CYS1: variants seen among roughly 807,000 people sequenced by gnomAD.
CYS1 encodes cystin-1.
CYS1 carries 5 observed loss-of-function variants against 9.6 expected under a neutral mutation model. That is an observed-to-expected ratio of 0.52 (90% CI 0.27 to 1.10). The LOEUF is 1.10. Among genes scored for constraint, CYS1 ranks in the 50% least tolerant of loss-of-function variants. The probability of loss-of-function intolerance (pLI) is 0.11; values close to 1 mark genes in which losing one functional copy is unlikely to be tolerated. For missense variants in CYS1, 221 were observed against 207.9 expected (o/e 1.06, Z -0.39); for synonymous variants, 88 against 95.7 (o/e 0.92, Z 0.47).
intron 1 of CYS1, among the ~76,000 whole-genome samples, chr2:10,077,188 A>T (rs1252877404): frequency 7.9e-5 from 12 of 151,906 alleles, no homozygotes; most frequent in African/African-American, 2.9e-4. Flanking sequence ...ATGACCCCAC[A>T]TCTCACTTGG....
chr2:10,075,619 A>C (rs1272658583), intron 1 of CYS1, among the ~76,000 whole-genome samples: 1 of 152,172 alleles, frequency 6.6e-6, no homozygotes, highest in African/African-American at 2.4e-5. Context: ...TTACACCGTG[A>C]GTTCCATAGC....
chr2:10,077,024 CTG>C (rs1435488389), intron 1 of CYS1, among the ~76,000 whole-genome samples: 1 of 152,184 alleles, frequency 6.6e-6, no homozygotes, highest in East Asian at 1.9e-4. Flanking sequence ...TCCACATTTT[CTG>C]TGTCTGTTCA....
intron 1 of CYS1, 131 bp from the exon 2 acceptor site, chr2:10,066,087 G>A: frequency 1.0e-6 from 1 of 994,678 alleles, no homozygotes; most frequent in East Asian, 2.6e-5. Context: ...GAGCGGAAAG[G>A]CTCTCGAGCT....
At position 10,058,200 on chromosome 2, in the gene CYS1, C is replaced by T. The variant is rs1263141849; in HGVS notation, c.*653G>A. The T allele has an allele frequency of 6.6e-6, 1 of 152,314 alleles. No individual in the cohort carries two copies. Among genetic ancestry groups the T allele is most frequent in the Non-Finnish European group, 1.5e-5 (1 of 68,120 alleles). 9.4% of individuals were successfully genotyped at this position (152,314 alleles called of 1,614,324 possible). On this transcript the variant is annotated 3_prime_UTR_variant, in exon 3 of 3. Coordinates refer to ENST00000381813, the MANE Select transcript of CYS1 (RefSeq NM_001037160.3). ...AAACTGAGGCCCAGAGAGGCAGTGA[C>T]GAGCTCTACCTCCCACTGCAAGGCA...
intron 1 of CYS1, among the ~76,000 whole-genome samples, chr2:10,067,018 T>C (rs568381361): frequency 1.3e-5 from 2 of 152,324 alleles, no homozygotes; most frequent in South Asian, 2.1e-4. Flanking sequence ...CTTTTTATTT[T>C]ATTTATTTAT....
chr2:10,067,528 C>T (rs1215167806), intron 1 of CYS1, among the ~76,000 whole-genome samples: 1 of 151,488 alleles, frequency 6.6e-6, no homozygotes, highest in African/African-American at 2.4e-5. Context: ...CCATGTCAGC[C>T]TCTCGTGTAG....
chr2:10,073,237 G>A (rs1661799170), intron 1 of CYS1, among the ~76,000 whole-genome samples: 1 of 147,034 alleles, frequency 6.8e-6, no homozygotes. Context: ...GCTGTGGGCT[G>A]CCAGTCCAGG....
Position 10,080,202 on chromosome 2 carries a change from T to C in CYS1, c.22A>G (p.Ser8Gly). Residue 8 changes from serine to glycine, a missense_variant, in exon 1 of 3, where the codon AGC becomes GGC. Coordinates refer to ENST00000381813, the MANE Select transcript of CYS1 (RefSeq NM_001037160.3). The surrounding 1 kb of genome is among the most constrained non-coding windows in gnomAD (Gnocchi z 6.4). MGSGSSR[S>G]SRTLRRRRSP... The stretch of plus-strand genomic sequence containing the variant: ...CGCCGCCGCCTCAGAGTCCGGCTGC[T>C]CCGGCTGCTGCCGCTGCCCATGGCG... 9.4e-7 allele frequency: 1 copy of C among 1,062,758 alleles called. No homozygotes were observed. The highest frequency in any genetic ancestry group is 1.1e-6 in the Non-Finnish European group (1 of 883,754). The allele number at this position is 1,062,758 out of a possible 1,614,324, so 65.8% of individuals were successfully genotyped here.
rs750516467 is a variant in CYS1 at position 10,063,121 on chromosome 2, C to G, written c.371+2783G>C. Among the ~76,000 whole-genome samples the G allele has an allele frequency of 6.6e-6, 1 of 152,242 alleles. No individual in the cohort carries two copies. Among genetic ancestry groups the G allele is most frequent in the Non-Finnish European group, 1.5e-5 (1 of 68,046 alleles). ...GTCAGGACTGGGGTCAAGGCCCACA[C>G]GCCCCAGGCTGACATTAAACAATCC... is the stretch of plus-strand genomic sequence containing the variant. On this transcript the variant is annotated intron_variant, in intron 2 of 2. Coordinates refer to ENST00000381813, the MANE Select transcript of CYS1 (RefSeq NM_001037160.3). This position sits in a 1 kb window ranked among gnomAD's most constrained non-coding sequence, Gnocchi z 4.2.
intron 1 of CYS1, among the ~76,000 whole-genome samples, chr2:10,078,351 A>C (rs1327878758): frequency 6.6e-6 from 1 of 152,142 alleles, no homozygotes; most frequent in Non-Finnish European, 1.5e-5. Context: ...TGTCGGTGTG[A>C]CGTTCCTAAA....
intron 1 of CYS1, among the ~76,000 whole-genome samples, chr2:10,078,467 ACTCTCCTAAGAC>A (rs983610113): frequency 5.3e-5 from 8 of 152,020 alleles, no homozygotes; most frequent in Non-Finnish European, 1.2e-4. Flanking sequence ...AGCCTGGCAT[ACTCTCCTAAGAC>A]CTCTCTGACC....
At chr2:10,059,335 C>T (rs987729948) in intron 2 of CYS1, among the ~76,000 whole-genome samples, 5 of 152,222 alleles carry the variant, frequency 3.3e-5, no homozygotes, top group African/African-American at 4.8e-5. Flanking sequence ...ATTCATGAGT[C>T]GTTCTGAAGC....
intron 2 of CYS1, among the ~76,000 whole-genome samples, chr2:10,062,515 C>T (rs1351160761): frequency 6.6e-6 from 1 of 152,114 alleles, no homozygotes; most frequent in African/African-American, 2.4e-5. Flanking sequence ...ATTCTCCTGT[C>T]TCAGCCTCCC....
chr2:10,067,895 C>T (rs1046804087), intron 1 of CYS1, among the ~76,000 whole-genome samples: 1 of 152,162 alleles, frequency 6.6e-6, no homozygotes, highest in African/African-American at 2.4e-5. Flanking sequence ...CTGGGACCTC[C>T]AGTAGTACAG....
rs1054508398 is a variant in CYS1 at position 10,058,096 on chromosome 2, C to T, written c.*757G>A. 6.6e-6 allele frequency: 1 copy of T among 152,236 alleles called. No homozygotes were observed. The highest frequency in any genetic ancestry group is 1.5e-5 in the Non-Finnish European group (1 of 68,086). The allele number at this position is 152,236 out of a possible 1,614,324, so 9.4% of individuals were successfully genotyped here. On this transcript the variant is annotated 3_prime_UTR_variant, in exon 3 of 3. Coordinates refer to ENST00000381813, the MANE Select transcript of CYS1 (RefSeq NM_001037160.3). ...GCACTGCTGTGCCTGGGGCAGGGGA[C>T]CAGCAGTGGCAGCAGTTCCAGATTG...
Position 10,063,753 on chromosome 2 carries a change from G to A in CYS1, c.371+2151C>T, listed in dbSNP as rs772417961. 2.6e-5 allele frequency among the ~76,000 whole-genome samples: 4 copies of A among 152,162 alleles called. No homozygotes were observed. The highest frequency in any genetic ancestry group is 1.9e-4 in the East Asian group (1 of 5,192). On this transcript the variant is annotated intron_variant, in intron 2 of 2. Coordinates refer to ENST00000381813, the MANE Select transcript of CYS1 (RefSeq NM_001037160.3). This position sits in a 1 kb window ranked among gnomAD's most constrained non-coding sequence, Gnocchi z 4.2. ...CTGCCACGGGAGTCAGGTGTGTGCC[G>A]TGGGCAGCGAGAAGCACAGTGGGTA... is the stretch of plus-strand genomic sequence containing the variant.
At chr2:10,070,428 C>G (rs1661750023) in intron 1 of CYS1, among the ~76,000 whole-genome samples, 1 of 152,116 alleles carries the variant, frequency 6.6e-6, no homozygotes, top group Non-Finnish European at 1.5e-5. Flanking sequence ...TCACTGCAAC[C>G]TCTGCCTCCA....
intron 1 of CYS1, among the ~76,000 whole-genome samples, chr2:10,079,644 C>G (rs886797268): frequency 6.6e-6 from 1 of 151,838 alleles, no homozygotes; most frequent in African/African-American, 2.4e-5. Flanking sequence ...GAGCCGGGAG[C>G]CCGGCGCGCT....
chr2:10,067,467 G>A (rs1308105519), intron 1 of CYS1, among the ~76,000 whole-genome samples: 2 of 147,804 alleles, frequency 1.4e-5, no homozygotes, highest in Non-Finnish European at 3.0e-5. Context: ...GAGTGCAGTG[G>A]CCTGATCATA....
Sources: gnomAD v4.1 joint callset for allele counts (sites outside exome capture counted in the v4.1 genomes callset) on GRCh38, gnomAD v4.1.1 for gene constraint, Gnocchi (gnomAD v3.1) non-coding constraint, MANE v1.5 for transcripts, NCBI Gene and HGNC (gene_info 2026-07-23, HGNC 2026-07-21) for gene names.